The following KLHL12 variants were observed in gnomAD, a reference collection of about 807,000 sequenced individuals.
KLHL12 encodes kelch-like protein 12.
Under a neutral mutation model 60.8 loss-of-function variants are expected in KLHL12, and 17 were observed. The observed-to-expected ratio is 0.28, with a 90% confidence interval of 0.19 to 0.42. The LOEUF is 0.42. Among genes scored for constraint, KLHL12 ranks in the 10% least tolerant of loss-of-function variants. The probability of loss-of-function intolerance (pLI) is 1.00; values close to 1 mark genes in which losing one functional copy is unlikely to be tolerated. For missense variants in KLHL12, 468 were observed against 722.3 expected (o/e 0.65, Z 4.04); for synonymous variants, 220 against 250.9 (o/e 0.88, Z 1.16).
chr1:202,905,162 T>C (rs1448248965), intron 6 of KLHL12, among the ~76,000 whole-genome samples: 1 of 152,190 alleles, frequency 6.6e-6, no homozygotes, highest in Non-Finnish European at 1.5e-5. Flanking sequence ...TATGAAGATA[T>C]ATAGATTTAT....
At position 202,894,302 on chromosome 1, in the gene KLHL12, C is replaced by T. The variant is rs1659764440; in HGVS notation, c.1295-20G>A. 6.7e-7 allele frequency: 1 copy of T among 1,486,990 alleles called. No individual in the cohort carries two copies. 92.1% of individuals were successfully genotyped at this position (1,486,990 alleles called of 1,614,324 possible). A position where few individuals can be genotyped will look rare whatever the true frequency, so the allele number is the denominator to read the frequency against. On this transcript the variant is annotated intron_variant, in intron 9 of 11. Transcript: ENST00000367261. ...ATCCTCCTGGAAGACAGAGACCATT[C>T]CAGAAAGAGTGGTAAATCCTCATGC... is the stretch of plus-strand genomic sequence containing the variant.
intron 7 of KLHL12, among the ~76,000 whole-genome samples, chr1:202,896,588 T>C (rs145544079): frequency 7.3e-4 from 111 of 152,332 alleles, no homozygotes; most frequent in African/African-American, 2.6e-3. Context: ...TGCTAGGAAT[T>C]ATACAGACAG....
chr1:202,896,164 TGA>T (rs1346917181), intron 7 of KLHL12, among the ~76,000 whole-genome samples: 1 of 152,168 alleles, frequency 6.6e-6, no homozygotes, highest in Non-Finnish European at 1.5e-5. Flanking sequence ...CATTCAGCAC[TGA>T]GAGACATGCT....
At chr1:202,917,031 A>G (rs1466867663) in intron 4 of KLHL12, among the ~76,000 whole-genome samples, 2 of 152,160 alleles carry the variant, frequency 1.3e-5, no homozygotes, top group Admixed American at 1.3e-4. Context: ...ATGGGCTTCA[A>G]AGACATCTAA....
intron 3 of KLHL12, among the ~76,000 whole-genome samples, chr1:202,919,507 T>A (rs1213390944): frequency 6.6e-6 from 1 of 151,148 alleles, no homozygotes; most frequent in Non-Finnish European, 1.5e-5. Context: ...CTTCCTCCAT[T>A]TTTTTTTTAA....
At chr1:202,894,531 C>T in intron 9 of KLHL12, 60 bp downstream of exon 9, 1 of 1,553,776 alleles carries the variant, frequency 6.4e-7, no homozygotes, top group Non-Finnish European at 8.9e-7. Flanking sequence ...AAAAGGAATC[C>T]TTACCCACAG....
At position 202,909,781 on chromosome 1, in the gene KLHL12, G is replaced by A. The variant is rs1322997983; in HGVS notation, c.718-657C>T. On this transcript the variant is annotated intron_variant, in intron 5 of 11. Transcript: ENST00000367261. This position sits in a 1 kb window ranked among gnomAD's most constrained non-coding sequence, Gnocchi z 4.1. ...TTCTCTCAAGGCAGTGACTCTACAC[G>A]ATTCTCTTTCCTTTAAGGTTCTAGT... 1.3e-5 allele frequency among the ~76,000 whole-genome samples: 2 copies of A among 152,110 alleles called. No homozygotes were observed. Among genetic ancestry groups the A allele is most frequent in the Admixed American group, 6.6e-5 (1 of 15,252 alleles).
At chr1:202,916,926 T>A (rs1017183765) in intron 4 of KLHL12, among the ~76,000 whole-genome samples, 3 of 150,488 alleles carry the variant, frequency 2.0e-5, no homozygotes, top group Non-Finnish European at 4.4e-5. Context: ...TGAGCCATAA[T>A]TGCATCACTG....
intron 6 of KLHL12, among the ~76,000 whole-genome samples, chr1:202,899,850 TA>T (rs1557987879): frequency 4.7e-5 from 7 of 149,716 alleles, no homozygotes; most frequent in Non-Finnish European, 8.9e-5. Flanking sequence ...ATAATAATAA[TA>T]AATAAAAAAA....
At chr1:202,926,055 A>T (rs1424625068) in intron 1 of KLHL12, among the ~76,000 whole-genome samples, 1 of 149,770 alleles carries the variant, frequency 6.7e-6, no homozygotes, top group East Asian at 2.0e-4. Flanking sequence ...CAGTGAGCCG[A>T]GATCACACCA....
chr1:202,922,997 C>T (rs1425888283), intron 2 of KLHL12, among the ~76,000 whole-genome samples: 1 of 152,182 alleles, frequency 6.6e-6, no homozygotes, highest in Non-Finnish European at 1.5e-5. Flanking sequence ...CTTTATTTTA[C>T]AGATCAACCC....
intron 2 of KLHL12, among the ~76,000 whole-genome samples, chr1:202,922,363 C>T (rs1660719638): frequency 1.3e-5 from 2 of 148,948 alleles, no homozygotes; most frequent in Admixed American, 1.3e-4. Context: ...GTCAGGATAT[C>T]GAGACCATCC....
In KLHL12 at chr1:202,894,615, C is replaced by G; in HGVS notation, c.1270G>C (p.Ala424Pro). ...TAREGAGLVV[A>P]SGVIYCLGGY... ...CCTAGACAGTAGATCACTCCACTGGCCACTACGAGTCCGGCACCTTCCCGG... is the reference window on the plus strand; with the variant it reads ...CCTAGACAGTAGATCACTCCACTGGGCACTACGAGTCCGGCACCTTCCCGG... Residue 424 changes from alanine (A) to proline (P), a missense_variant, in exon 9 of 12, where the codon GCC becomes CCC. By Grantham distance (27) the Ala-to-Pro change is conservative. Coordinates refer to ENST00000367261, the MANE Select transcript of KLHL12 (RefSeq NM_021633.4). The G allele has an allele frequency of 1.2e-6, 2 of 1,614,154 alleles. No homozygotes were observed. Among genetic ancestry groups the G allele is most frequent in the Non-Finnish European group, 1.7e-6 (2 of 1,180,022 alleles).
rs1308554536 is a variant in KLHL12 at position 202,892,335 on chromosome 1, T to G, written c.*198A>C. On this transcript the variant is annotated 3_prime_UTR_variant, in exon 12 of 12. Coordinates refer to ENST00000367261, the MANE Select transcript of KLHL12 (RefSeq NM_021633.4). ...AATGTGCATTCTTTTTCCTGGAATA[T>G]CTGTTACCCACCCTTCTCAGGAACA... The G allele has an allele frequency of 1.8e-6, 1 of 553,282 alleles. No individual in the cohort carries two copies. The highest frequency in any genetic ancestry group is 3.1e-6 in the Non-Finnish European group (1 of 321,764). 34.3% of individuals were successfully genotyped at this position (553,282 alleles called of 1,614,324 possible). A position where few individuals can be genotyped will look rare whatever the true frequency, so the allele number is the denominator to read the frequency against.
At chr1:202,916,422 A>G (rs1374415347) in intron 4 of KLHL12, among the ~76,000 whole-genome samples, 1 of 152,236 alleles carries the variant, frequency 6.6e-6, no homozygotes, top group Admixed American at 6.5e-5. Context: ...AGGAGGCTGA[A>G]GTGGCTGATG....
upstream of KLHL12, chr1:202,927,234 TG>T: frequency 6.1e-6 from 6 of 985,148 alleles, no homozygotes; most frequent in Non-Finnish European, 7.2e-6. Context: ...CGTCCGGGTC[TG>T]GCCCCTGCGG....
intron 5 of KLHL12, 70 bp downstream of exon 5, chr1:202,910,984 A>G (rs201914130): frequency 3.9e-5 from 61 of 1,550,396 alleles, no homozygotes; most frequent in African/African-American, 1.4e-4. Context: ...AAAATACTCA[A>G]TTTTGAATAC....
intron 2 of KLHL12, among the ~76,000 whole-genome samples, chr1:202,920,369 A>T (rs375897923): frequency 1.9e-4 from 16 of 83,814 alleles, no homozygotes; most frequent in Admixed American, 5.7e-4. Flanking sequence ...ATTTTGTTGG[A>T]TTTTTTTTTT....
At chr1:202,908,198 A>T (rs1353595916) in intron 6 of KLHL12, among the ~76,000 whole-genome samples, 1 of 152,178 alleles carries the variant, frequency 6.6e-6, no homozygotes, top group Non-Finnish European at 1.5e-5. Flanking sequence ...TAGGTATCTT[A>T]TATACATTAT....
Sources: gnomAD v4.1 joint callset for allele counts (sites outside exome capture counted in the v4.1 genomes callset) on GRCh38, gnomAD v4.1.1 for gene constraint, Gnocchi (gnomAD v3.1) non-coding constraint, MANE v1.5 for transcripts, NCBI Gene and HGNC (gene_info 2026-07-23, HGNC 2026-07-21) for gene names.